B9D1: variants seen among roughly 807,000 people sequenced by gnomAD.
The protein encoded by B9D1 is B9 domain-containing protein 1.
Under a neutral mutation model 26.1 loss-of-function variants are expected in B9D1, and 20 were observed. That is an observed-to-expected ratio of 0.77 (90% CI 0.54 to 1.12). B9D1 has a LOEUF of 1.12. Among genes scored for constraint, B9D1 ranks in the 50% most tolerant of loss-of-function variants. B9D1 has a pLI of 0.00. For synonymous variants in B9D1, 105 were observed against 103.1 expected (o/e 1.02, Z -0.11); for missense variants, 260 against 273.7 (o/e 0.95, Z 0.35).
chr17:19,340,041 C>G (rs879684770), downstream of B9D1, among the ~76,000 whole-genome samples: 2 of 148,640 alleles, frequency 1.3e-5, no homozygotes, highest in Admixed American at 6.7e-5. Context: ...CAACCCCCCC[C>G]CCCCCCCGGC....
intron 3 of B9D1, among the ~76,000 whole-genome samples, chr17:19,354,116 GAAGT>G (rs1162344273): frequency 3.9e-5 from 6 of 152,018 alleles, no homozygotes; most frequent in Admixed American, 6.6e-5. Flanking sequence ...GTTGTTTTTA[GAAGT>G]TATTTTCTTA....
intron 6 of B9D1, 112 bp downstream of exon 6, chr17:19,343,678 T>C (rs545686659): frequency 6.2e-7 from 1 of 1,609,184 alleles, no homozygotes; most frequent in Non-Finnish European, 8.5e-7. Context: ...ATTTGTGGGC[T>C]AGCTCCTATG....
downstream of B9D1, chr17:19,343,070 T>C (rs1908160189): frequency 3.6e-6 from 5 of 1,393,426 alleles, no homozygotes; most frequent in South Asian, 8.0e-5. Context: ...GCACAAGGGG[T>C]AGGGACAGGG....
At chr17:19,341,549 G>A (rs1013750457), downstream of B9D1, among the ~76,000 whole-genome samples, 1 of 152,240 alleles carries the variant, frequency 6.6e-6, no homozygotes, top group Non-Finnish European at 1.5e-5. Context: ...CAGCTAATGT[G>A]GGGTGGTTGT....
chr17:19,361,438 GAA>G (rs1911050781), intron 1 of B9D1, among the ~76,000 whole-genome samples: 1 of 152,118 alleles, frequency 6.6e-6, no homozygotes, highest in Non-Finnish European at 1.5e-5. Flanking sequence ...CTGAGGCCCT[GAA>G]AAGAGGGAGG....
intron 6 of B9D1, 68 bp downstream of exon 6, chr17:19,343,722 T>G: frequency 5.0e-6 from 8 of 1,613,590 alleles, no homozygotes; most frequent in Non-Finnish European, 5.9e-6. Flanking sequence ...ACCCCAACCC[T>G]GGGCCCACCC....
intron 1 of B9D1, among the ~76,000 whole-genome samples, chr17:19,361,910 G>A (rs1280543331): frequency 6.6e-6 from 1 of 152,156 alleles, no homozygotes; most frequent in African/African-American, 2.4e-5. Context: ...AGGCTGTAAG[G>A]GTGGACCAGT....
At chr17:19,369,836 ACT>A (rs1359662223) in intron 1 of B9D1, among the ~76,000 whole-genome samples, 4 of 152,108 alleles carry the variant, frequency 2.6e-5, no homozygotes, top group Admixed American at 1.3e-4. Context: ...CTTCTGGAAG[ACT>A]CGCTGTGTGA....
chr17:19,360,192 T>C (rs1298652306), intron 2 of B9D1, 128 bp downstream of exon 2: 2 of 862,256 alleles, frequency 2.3e-6, no homozygotes, highest in African/African-American at 1.7e-5. Flanking sequence ...GGAACACTCA[T>C]GTTTGGGTTC....
At chr17:19,357,570 G>A (rs912746984) in intron 3 of B9D1, 9 of 492,712 alleles carry the variant, frequency 1.8e-5, no homozygotes, top group Non-Finnish European at 3.0e-5. Context: ...TGGGGAGCCT[G>A]CCTTTTACAG....
At chr17:19,365,890 G>GTA (rs1172081053), upstream of B9D1, among the ~76,000 whole-genome samples, 2 of 151,634 alleles carry the variant, frequency 1.3e-5, no homozygotes, top group East Asian at 3.9e-4. This position sits in a 1 kb window ranked among gnomAD's most constrained non-coding sequence, Gnocchi z 5.0. Context: ...CATAGTAGGT[G>GTA]TATACATTGC....
chr17:19,377,067 G>A (rs2152287445), intron 1 of B9D1, among the ~76,000 whole-genome samples: 1 of 152,282 alleles, frequency 6.6e-6, no homozygotes, highest in South Asian at 2.1e-4. Flanking sequence ...TGTCAATCTT[G>A]CATGTATTGA....
intron 1 of B9D1, chr17:19,377,721 A>T (rs1355729374): frequency 2.0e-6 from 1 of 499,732 alleles, no homozygotes; most frequent in Non-Finnish European, 2.6e-6. Flanking sequence ...GTGGGTCGGG[A>T]CAGCTCGGTT....
chr17:19,350,273 C>T (rs1021440234), intron 3 of B9D1, among the ~76,000 whole-genome samples: 4 of 152,042 alleles, frequency 2.6e-5, no homozygotes, highest in African/African-American at 4.8e-5. Context: ...AGGCGAGGCG[C>T]GGTGGCTCAC....
Position 19,347,963 on chromosome 17 carries a change from GGGTGCTCAAAGGAT to G in B9D1, c.245-97_245-84del. On this transcript the variant is annotated intron_variant, in intron 3 of 6. Transcript: ENST00000261499. This position sits in a 1 kb window ranked among gnomAD's most constrained non-coding sequence, Gnocchi z 4.3. Reference sequence around the variant, plus strand: ...CAGAGAACAGGGCGTGTCCAGCTGAGGGTGCTCAAAGGATGGAGCTCAAAACTCTGGGGTGGCAG... The same window carrying G: ...CAGAGAACAGGGCGTGTCCAGCTGAGGGAGCTCAAAACTCTGGGGTGGCAG... The G allele has an allele frequency of 8.0e-7, 1 of 1,244,158 alleles. No homozygotes were observed. The highest frequency in any genetic ancestry group is 1.2e-6 in the Non-Finnish European group (1 of 859,470). 77.1% of individuals were successfully genotyped at this position (1,244,158 alleles called of 1,614,324 possible). A position where few individuals can be genotyped will look rare whatever the true frequency, so the allele number is the denominator to read the frequency against.
chr17:19,366,741 G>A (rs1911610525), upstream of B9D1, among the ~76,000 whole-genome samples: 2 of 152,210 alleles, frequency 1.3e-5, no homozygotes. Flanking sequence ...TGGAACACCG[G>A]TTGCTTGAAA....
chr17:19,363,210 C>T (rs1481044875), upstream of B9D1, among the ~76,000 whole-genome samples: 1 of 152,222 alleles, frequency 6.6e-6, no homozygotes, highest in Non-Finnish European at 1.5e-5. Context: ...AGACGCTTGC[C>T]CTCGAAAAAG....
intron 3 of B9D1, among the ~76,000 whole-genome samples, chr17:19,350,089 G>A (rs1909390408): frequency 6.6e-6 from 1 of 151,886 alleles, no homozygotes; most frequent in African/African-American, 2.4e-5. Flanking sequence ...TCCAGCCTGG[G>A]CGACAGAGCG....
At position 19,362,657 on chromosome 17, in the gene B9D1, G is replaced by C. The variant is rs778266252; in HGVS notation, c.-88C>G. ...CGTTGCCCTAGAAACAGACGGCGTAGCGCGCAGGACACGTTTCTTGGCAGC... is the reference window on the plus strand; with the variant it reads ...CGTTGCCCTAGAAACAGACGGCGTACCGCGCAGGACACGTTTCTTGGCAGC... On this transcript the variant is annotated 5_prime_UTR_variant, in exon 1 of 7. Coordinates refer to ENST00000261499, the MANE Select transcript of B9D1 (RefSeq NM_015681.6). 1.3e-6 allele frequency: 2 copies of C among 1,551,222 alleles called. No individual in the cohort carries two copies. Among genetic ancestry groups the C allele is most frequent in the African/African-American group, 1.4e-5 (1 of 73,660 alleles).
Sources: allele counts gnomAD v4.1 joint callset (sites outside exome capture counted in the v4.1 genomes callset), GRCh38; gene constraint gnomAD v4.1.1; non-coding constraint Gnocchi (gnomAD v3.1); transcripts MANE v1.5; gene names NCBI Gene and HGNC (gene_info 2026-07-23, HGNC 2026-07-21).